CDKL2: variants seen among roughly 807,000 people sequenced by gnomAD.
CDKL2 encodes cyclin dependent kinase like 2, also known as cyclin-dependent kinase-like 2.
Under a neutral mutation model 63.9 loss-of-function variants are expected in CDKL2, and 64 were observed. The observed-to-expected ratio is 1.00, with a 90% CI of 0.82 to 1.23. CDKL2 has a LOEUF of 1.23. Among genes scored for constraint, CDKL2 ranks in the 50% most tolerant of loss-of-function variants. The probability of loss-of-function intolerance (pLI) is 0.00; values close to 1 mark genes in which losing one functional copy is unlikely to be tolerated. For synonymous variants in CDKL2, 211 were observed against 229.2 expected, an observed-to-expected ratio of 0.92 and a Z score of 0.72; for missense variants, 656 against 668.0, an observed-to-expected ratio of 0.98 and a Z score of 0.20.
chr4:75,594,254 C>T (rs2148871565), intron 10 of CDKL2, among the ~76,000 whole-genome samples: 1 of 152,136 alleles, frequency 6.6e-6, no homozygotes, highest in East Asian at 1.9e-4. Context: ...TCGAAACCAG[C>T]CTGGCCGACA....
intron 3 of CDKL2, among the ~76,000 whole-genome samples, chr4:75,608,628 G>A (rs1729538230): frequency 6.6e-6 from 1 of 152,170 alleles, no homozygotes; most frequent in Non-Finnish European, 1.5e-5. Context: ...AGTATGAGGT[G>A]ATAAAGGCCT....
chr4:75,627,202 C>CA (rs533079777), intron 1 of CDKL2, among the ~76,000 whole-genome samples: 23,723 of 130,928 alleles, frequency 0.18, 2,691 homozygotes, highest in African/African-American at 0.35. Flanking sequence ...GACTCTGTCT[C>CA]AAAAAAAAAA....
At chr4:75,598,040 G>T in intron 8 of CDKL2, 37 bp downstream of exon 8, 2 of 1,295,382 alleles carry the variant, frequency 1.5e-6, no homozygotes, top group South Asian at 1.6e-5. Context: ...AAAAAAATAA[G>T]TATATTAAAT....
chr4:75,581,430 G>T (rs993099984), intron 13 of CDKL2, among the ~76,000 whole-genome samples: 19 of 152,132 alleles, frequency 1.2e-4, no homozygotes, highest in African/African-American at 4.1e-4. Context: ...ATCACCTAAG[G>T]ATGCATCTTT....
rs746454169 is a variant in CDKL2 at position 75,605,595 on chromosome 4, T to G, written c.582A>C (p.Glu194Asp). 6.2e-7 allele frequency: 1 copy of G among 1,613,718 alleles called. No individual in the cohort carries two copies. Among genetic ancestry groups the G allele is most frequent in the East Asian group, 2.2e-5 (1 of 44,874 alleles). ...DVWAIGCLVT[E>D]MFMGEPLFPG... ...GAAATAGGGGTTCCCCCATGAACAT[T>G]TCAGTTACCAGACAACCAATGGCCC... Residue 194 changes from glutamate (E) to aspartate (D), a missense_variant, in exon 5 of 14, where the codon GAA (glutamate) becomes GAC (aspartate). Glu to Asp is a conservative substitution (Grantham distance 45). Transcript: ENST00000307465.
chr4:75,625,088 A>T (rs1398419819), intron 2 of CDKL2, among the ~76,000 whole-genome samples: 1 of 152,256 alleles, frequency 6.6e-6, no homozygotes, highest in Non-Finnish European at 1.5e-5. Flanking sequence ...ACAAGCATGT[A>T]AGGAAAATAA....
At chr4:75,585,600 A>C (rs1341521495) in intron 12 of CDKL2, among the ~76,000 whole-genome samples, 1 of 151,986 alleles carries the variant, frequency 6.6e-6, no homozygotes, top group African/African-American at 2.4e-5. Context: ...TTCTAAAAAA[A>C]TAATAATAAA....
intron 12 of CDKL2, among the ~76,000 whole-genome samples, chr4:75,588,978 A>G (rs933373722): frequency 2.6e-5 from 4 of 152,362 alleles, no homozygotes; most frequent in Middle Eastern, 3.4e-3. Context: ...GACTAATTTG[A>G]ACATCAAAAT....
At chr4:75,579,631 A>G (rs1300960720) in intron 13 of CDKL2, among the ~76,000 whole-genome samples, 1 of 152,190 alleles carries the variant, frequency 6.6e-6, no homozygotes, top group African/African-American at 2.4e-5. Context: ...AGCAGAGATC[A>G]CGCCATTGCA....
chr4:75,584,555 G>C (rs971963823), intron 12 of CDKL2, among the ~76,000 whole-genome samples: 1 of 152,154 alleles, frequency 6.6e-6, no homozygotes, highest in African/African-American at 2.4e-5. Context: ...AAAATAAATA[G>C]ATATTAATTT....
chr4:75,600,493 T>C (rs1729138840), intron 6 of CDKL2, 124 bp from the exon 7 acceptor site: 5 of 655,710 alleles, frequency 7.6e-6, no homozygotes, highest in Non-Finnish European at 1.1e-5. Flanking sequence ...GGTCTCACTC[T>C]GTTGCCCAGG....
Position 75,605,624 on chromosome 4 carries a change from C to T in CDKL2, c.553G>A (p.Val185Met). 6.2e-7 allele frequency: 1 copy of T among 1,610,756 alleles called. No individual in the cohort carries two copies. ...GDVKYGKAVD[V>M]WAIGCLVTEM... Reference sequence around the variant, plus strand: ...GTTACCAGACAACCAATGGCCCACACATCAACAGCCCTGAAAGAAAAGCAA... The same window carrying T: ...GTTACCAGACAACCAATGGCCCACATATCAACAGCCCTGAAAGAAAAGCAA... The change falls in exon 5 of 14, where the codon GTG becomes ATG. Residue 185 changes from valine to methionine, a missense_variant. Coordinates refer to ENST00000307465, the MANE Select transcript of CDKL2 (RefSeq NM_001330724.2).
At chr4:75,594,226 T>A (rs942935717) in intron 10 of CDKL2, among the ~76,000 whole-genome samples, 8 of 152,144 alleles carry the variant, frequency 5.3e-5, no homozygotes, top group African/African-American at 1.7e-4. Context: ...GGTGGGCAGA[T>A]CACCTGAGGT....
intron 3 of CDKL2, among the ~76,000 whole-genome samples, 168 bp downstream of exon 3, chr4:75,614,087 T>G (rs1259383040): frequency 2.0e-5 from 3 of 151,880 alleles, no homozygotes; most frequent in African/African-American, 4.8e-5. Context: ...AACAAAAAAC[T>G]CAGAAAACAA....
At chr4:75,616,919 A>G (rs1178213107) in intron 2 of CDKL2, among the ~76,000 whole-genome samples, 1 of 152,124 alleles carries the variant, frequency 6.6e-6, no homozygotes, top group African/African-American at 2.4e-5. Context: ...TGATGAGTGC[A>G]CATAGAGGGG....
intron 1 of CDKL2, among the ~76,000 whole-genome samples, chr4:75,628,874 G>T (rs948902550): frequency 3.9e-5 from 6 of 152,046 alleles, no homozygotes; most frequent in Non-Finnish European, 7.4e-5. Flanking sequence ...AGCTATATGT[G>T]GAGAACCAGA....
chr4:75,596,468 T>C (rs1000445274), intron 9 of CDKL2, 128 bp from the exon 10 acceptor site: 2 of 642,536 alleles, frequency 3.1e-6, no homozygotes, highest in African/African-American at 3.6e-5. Context: ...TTCTCAAATA[T>C]ACAATGCACA....
In CDKL2 at chr4:75,578,373, T is replaced by G. The variant is rs1275248278; in HGVS notation, c.*829A>C. 1 of 152,176 alleles carries G rather than the reference T, an allele frequency of 6.6e-6. No homozygotes were observed. Among genetic ancestry groups the G allele is most frequent in the Non-Finnish European group, 1.5e-5 (1 of 68,040 alleles). 9.4% of individuals were successfully genotyped at this position (152,176 alleles called of 1,614,324 possible). On this transcript the variant is annotated 3_prime_UTR_variant, in exon 14 of 14. Coordinates refer to ENST00000307465, the MANE Select transcript of CDKL2 (RefSeq NM_001330724.2). The stretch of plus-strand genomic sequence containing the variant: ...AATTGGTCCACAGAAGAGTAATCAG[T>G]CCTGATCAATTCTGTATGGAGCATT...
Position 75,591,824 on chromosome 4 carries a change from G to A in CDKL2, c.1642C>T (p.His548Tyr), listed in dbSNP as rs984318235. The change falls in exon 12 of 14, where the codon CAT becomes TAT. Residue 548 changes from histidine to tyrosine, a missense_variant. Transcript: ENST00000307465. The stretch of plus-strand genomic sequence containing the variant: ...TATAAAGAGTATTTCTGTACCTGAT[G>A]TAATGTAATACTGGGGGTGTGCAGG... Reference protein sequence around the residue: ...IDLHTPSITLHQVSGPPLSDD... With the variant: ...IDLHTPSITLYQVSGPPLSDD... 1.3e-6 allele frequency: 2 copies of A among 1,530,704 alleles called. No individual in the cohort carries two copies. The highest frequency in any genetic ancestry group is 1.4e-5 in the African/African-American group (1 of 72,918). 94.8% of individuals were successfully genotyped at this position (1,530,704 alleles called of 1,614,324 possible).
Sources: allele counts gnomAD v4.1 joint callset (sites outside exome capture counted in the v4.1 genomes callset), GRCh38; gene constraint gnomAD v4.1.1; transcripts MANE v1.5; gene names NCBI Gene and HGNC (gene_info 2026-07-23, HGNC 2026-07-21).